The following GRM1 variants were observed in gnomAD, a reference collection of about 807,000 sequenced individuals.
GRM1 encodes the protein glutamate metabotropic receptor 1.
A neutral mutation model predicts 90.9 loss-of-function variants in GRM1; 33 were observed. The ratio of observed to expected loss-of-function variants is 0.36; its 90% CI spans 0.28 to 0.49. GRM1 has a LOEUF of 0.49. GRM1 is among the 20% of genes least tolerant of loss of function. The probability of loss-of-function intolerance (pLI) is 0.99; values close to 1 mark genes in which losing one functional copy is unlikely to be tolerated. For missense variants in GRM1, 1,190 were observed against 1,534.3 expected (o/e 0.78, Z 3.75); for synonymous variants, 700 against 613.2 (o/e 1.14, Z -2.09).
rs553865105 is a variant in GRM1, at chr6:146,350,954, A to G, written c.1187-1296A>G. On this transcript the variant is annotated intron_variant, in intron 3 of 7. Transcript: ENST00000282753. ...GTATTTTATATGTCACTCTCAGGGT[A>G]GATATAAGGATATCCTTTTCAAACT... is the stretch of plus-strand genomic sequence containing the variant. Among the ~76,000 whole-genome samples, 47 of 152,320 alleles carry G rather than the reference A, an allele frequency of 3.1e-4. No individual in the cohort carries two copies. The South Asian group carries it at 4.6e-3, about 15-fold the overall frequency.
At chr6:146,146,903 G>A (rs1777130043) in intron 1 of GRM1, among the ~76,000 whole-genome samples, 1 of 152,158 alleles carries the variant, frequency 6.6e-6, no homozygotes. Context: ...AGAAAACAGA[G>A]TAATACAGTC....
At chr6:146,336,683 T>C (rs554595437) in intron 3 of GRM1, among the ~76,000 whole-genome samples, 2 of 152,290 alleles carry the variant, frequency 1.3e-5, no homozygotes, top group Admixed American at 1.3e-4. Context: ...AGAGTTACCT[T>C]TGCTCCTCGC....
intron 2 of GRM1, among the ~76,000 whole-genome samples, chr6:146,269,561 G>A (rs1289708237): frequency 1.3e-5 from 2 of 152,192 alleles, no homozygotes; most frequent in Non-Finnish European, 2.9e-5. Flanking sequence ...GTACCAATCT[G>A]TGGGCTGTTA....
chr6:146,240,612 A>C (rs1393462194), intron 2 of GRM1, among the ~76,000 whole-genome samples: 1 of 152,150 alleles, frequency 6.6e-6, no homozygotes, highest in Non-Finnish European at 1.5e-5. Flanking sequence ...GAGAAGGAGG[A>C]TGCCCATCCA....
chr6:146,211,001 C>T (rs1779670417), intron 2 of GRM1, among the ~76,000 whole-genome samples: 1 of 151,772 alleles, frequency 6.6e-6, no homozygotes, highest in South Asian at 2.1e-4. Flanking sequence ...GTGACCCTTT[C>T]GGAAAAAAAC....
At chr6:146,066,766 C>CAG (rs560090955) in intron 1 of GRM1, among the ~76,000 whole-genome samples, 5,530 of 60,110 alleles carry the variant, frequency 0.092, 218 homozygotes, top group African/African-American at 0.2. Flanking sequence ...GACAGACAGG[C>CAG]AGAGAGAGAG....
intron 2 of GRM1, among the ~76,000 whole-genome samples, chr6:146,184,943 T>G (rs1404188175): frequency 6.6e-6 from 1 of 152,224 alleles, no homozygotes; most frequent in South Asian, 2.1e-4. Context: ...GGAAATGAAA[T>G]AGTACCATGT....
chr6:146,283,910 C>A (rs1351578626), intron 2 of GRM1, among the ~76,000 whole-genome samples: 1 of 152,210 alleles, frequency 6.6e-6, no homozygotes, highest in African/African-American at 2.4e-5. Context: ...AATACAGAAA[C>A]AGTTGGCTTC....
chr6:146,252,806 A>C (rs1562558630), intron 2 of GRM1, among the ~76,000 whole-genome samples: 2 of 152,216 alleles, frequency 1.3e-5, no homozygotes, highest in South Asian at 2.1e-4. Context: ...TCACATCTGT[A>C]ATCCCAGCAC....
intron 1 of GRM1, among the ~76,000 whole-genome samples, chr6:146,076,598 A>G (rs907319961): frequency 7.2e-5 from 11 of 152,124 alleles, no homozygotes; most frequent in Non-Finnish European, 1.3e-4. Context: ...GGAAGGATGG[A>G]GTTGCACTGA....
intron 7 of GRM1, among the ~76,000 whole-genome samples, chr6:146,400,486 C>A (rs1384118014): frequency 6.6e-6 from 1 of 152,058 alleles, no homozygotes; most frequent in South Asian, 2.1e-4. Flanking sequence ...AGATGAATTC[C>A]AGATGAATTC....
intron 2 of GRM1, among the ~76,000 whole-genome samples, chr6:146,202,098 T>C (rs555291835): frequency 4.6e-5 from 7 of 152,296 alleles, no homozygotes; most frequent in African/African-American, 1.7e-4. Flanking sequence ...TGAACACATG[T>C]AGAAATATGC....
At chr6:146,294,952 G>A (rs1358768647) in intron 2 of GRM1, among the ~76,000 whole-genome samples, 2 of 151,742 alleles carry the variant, frequency 1.3e-5, no homozygotes, top group South Asian at 2.1e-4. Context: ...AAAAGATATC[G>A]ATGTTTTTCT....
chr6:146,359,101 T>C (rs1775352405), intron 5 of GRM1, among the ~76,000 whole-genome samples: 1 of 152,146 alleles, frequency 6.6e-6, no homozygotes, highest in Non-Finnish European at 1.5e-5. Context: ...ATGGAGACAC[T>C]GCTAGCTTCC....
intron 1 of GRM1, among the ~76,000 whole-genome samples, chr6:146,140,054 CCTTTCCTCTCCTCTT>C (rs903320067): frequency 2.8e-5 from 4 of 141,490 alleles, no homozygotes; most frequent in African/African-American, 1.0e-4. Flanking sequence ...CCTCTCTTCT[CCTTTCCTCTCCTCTT>C]CTTTTCTCCT....
At chr6:146,424,991 T>C (rs1056329781) in intron 7 of GRM1, among the ~76,000 whole-genome samples, 6 of 152,240 alleles carry the variant, frequency 3.9e-5, no homozygotes, top group Non-Finnish European at 8.8e-5. Flanking sequence ...ATTACCTTGA[T>C]AAGTTTGATA....
At chr6:146,365,185 G>A (rs1383362250) in intron 5 of GRM1, 3 of 151,860 alleles carry the variant, frequency 2.0e-5, no homozygotes, top group African/African-American at 7.3e-5. Flanking sequence ...TTTTGAAAAG[G>A]AATTGAAGTC....
intron 2 of GRM1, among the ~76,000 whole-genome samples, chr6:146,276,923 A>T (rs1014347340): frequency 5.9e-5 from 9 of 152,090 alleles, no homozygotes; most frequent in African/African-American, 2.2e-4. Flanking sequence ...CAATATAGTG[A>T]TACCCCCATC....
chr6:146,387,916 T>C (rs545191695), intron 6 of GRM1, among the ~76,000 whole-genome samples: 23 of 152,194 alleles, frequency 1.5e-4, no homozygotes, highest in African/African-American at 5.1e-4. Flanking sequence ...GTTGTATTGA[T>C]GCAAGTGAGT....
Sources: allele counts gnomAD v4.1 joint callset (sites outside exome capture counted in the v4.1 genomes callset), GRCh38; gene constraint gnomAD v4.1.1; transcripts MANE v1.5; gene names NCBI Gene and HGNC (gene_info 2026-07-23, HGNC 2026-07-21).